The following COL5A1 variants were observed in gnomAD, a reference collection of about 807,000 sequenced individuals.
COL5A1 encodes the protein collagen type V alpha 1 chain.
A neutral mutation model predicts 263.7 loss-of-function variants in COL5A1; 16 were observed. That is an observed-to-expected ratio of 0.06 (90% confidence interval 0.04 to 0.09). COL5A1 has a LOEUF of 0.09. Among genes scored for constraint, COL5A1 ranks in the 10% least tolerant of loss-of-function variants. The pLI is 1.00. For missense variants in COL5A1, 2,036 were observed against 2,540.5 expected, an observed-to-expected ratio of 0.80 and a Z score of 4.27; for synonymous variants, 1,012 against 1,004.5, an observed-to-expected ratio of 1.01 and a Z score of -0.14.
At chr9:134,760,003 C>T (rs2132707384) in intron 18 of COL5A1, among the ~76,000 whole-genome samples, 1 of 121,726 alleles carries the variant, frequency 8.2e-6, no homozygotes. Context: ...ACACCCCACA[C>T]TCATACACAC....
intron 4 of COL5A1, among the ~76,000 whole-genome samples, chr9:134,722,236 TG>T (rs1279053458): frequency 6.6e-6 from 1 of 152,150 alleles, no homozygotes; most frequent in African/African-American, 2.4e-5. Flanking sequence ...TGCTGCAGTC[TG>T]GGGGTGTGGT....
chr9:134,785,917 A>G, intron 30 of COL5A1, 78 bp from the exon 31 acceptor site: 1 of 1,372,248 alleles, frequency 7.3e-7, no homozygotes, highest in South Asian at 1.2e-5. Context: ...GCCAGAACGC[A>G]TGTCCTTTCT....
intron 39 of COL5A1, 43 bp from the exon 40 acceptor site, chr9:134,804,932 C>T (rs371362788): frequency 1.4e-5 from 21 of 1,551,384 alleles, no homozygotes; most frequent in African/African-American, 4.1e-5. Context: ...GAGAGGTCTG[C>T]GTCACTGGCT....
rs1418134942 is a variant in COL5A1 at position 134,710,817 on chromosome 9, A to G, written c.654+9484A>G. Among the ~76,000 whole-genome samples the G allele has an allele frequency of 7.1e-3, 31 of 4,394 alleles. 1 individual carries two copies. Among genetic ancestry groups the G allele is most frequent in the Non-Finnish European group, 9.7e-3 (22 of 2,262 alleles). 2.9% of individuals were successfully genotyped at this position (4,394 alleles called of 152,430 possible). A position where few individuals can be genotyped will look rare whatever the true frequency, so the allele number is the denominator to read the frequency against. ...CGTCTGTTGGGTGCAGTGGTGGGGG[A>G]GGGGACCCCATCTGTTGGGTGCAGT... On this transcript the variant is annotated intron_variant, in intron 4 of 65. Coordinates refer to ENST00000371817, the MANE Select transcript of COL5A1 (RefSeq NM_000093.5).
intron 60 of COL5A1, 54 bp downstream of exon 60, chr9:134,823,087 C>G (rs1030528744): frequency 6.3e-7 from 1 of 1,593,466 alleles, no homozygotes; most frequent in Middle Eastern, 1.7e-4. Context: ...GGGAGGGCGA[C>G]GGGTCCCCTG....
chr9:134,782,081 C>T (rs560062713), intron 28 of COL5A1, among the ~76,000 whole-genome samples: 22 of 152,328 alleles, frequency 1.4e-4, no homozygotes, highest in Non-Finnish European at 2.6e-4. Context: ...GGGACTCAAA[C>T]GGACAGCAGG....
intron 64 of COL5A1, among the ~76,000 whole-genome samples, chr9:134,830,586 C>G (rs1839572335): frequency 6.6e-6 from 1 of 152,160 alleles, no homozygotes; most frequent in East Asian, 1.9e-4. Context: ...TTCAGAGCTC[C>G]TTCTAGGACC....
intron 9 of COL5A1, among the ~76,000 whole-genome samples, chr9:134,737,350 C>T (rs910839934): frequency 1.8e-4 from 27 of 152,164 alleles, no homozygotes; most frequent in African/African-American, 6.0e-4. Context: ...CTTGGCTGGG[C>T]GGCTGACGGG....
In COL5A1 at chr9:134,814,051, G is replaced by T. The variant is rs370937109; in HGVS notation, c.3906+15G>T. ...GCGGCCCCCCGGTGAGTGAGCGGGC[G>T]CTGCGGGAGGGGTGGGATATGGCCG... On this transcript the variant is annotated intron_variant, in intron 49 of 65. Coordinates refer to ENST00000371817, the MANE Select transcript of COL5A1 (RefSeq NM_000093.5). 1 of 1,550,426 alleles carries T rather than the reference G, an allele frequency of 6.4e-7. No individual in the cohort carries two copies. Among genetic ancestry groups the T allele is most frequent in the East Asian group, 2.4e-5 (1 of 40,906 alleles).
intron 4 of COL5A1, among the ~76,000 whole-genome samples, chr9:134,703,843 G>A (rs1275051884): frequency 1.3e-5 from 2 of 151,860 alleles, no homozygotes; most frequent in East Asian, 1.9e-4. Context: ...GTTTCACTGT[G>A]TTAGCCAGGA....
Position 134,822,778 on chromosome 9 carries a change from C to T in COL5A1, c.4609-220C>T, listed in dbSNP as rs1443865706. 38 of 632,598 alleles carry T rather than the reference C, an allele frequency of 6.0e-5. 1 individual carries two copies. Among genetic ancestry groups the T allele is most frequent in the East Asian group, 2.2e-4 (8 of 36,136 alleles). 39.2% of individuals were successfully genotyped at this position (632,598 alleles called of 1,614,324 possible). On this transcript the variant is annotated intron_variant, in intron 59 of 65. Transcript: ENST00000371817. ...TAGCCAGGGTGGGTGGTAGGCTGGC[C>T]GGGGGCAGGTAGGACCACCCTGTGT...
chr9:134,687,172 CTG>C (rs1190935540), intron 1 of COL5A1, among the ~76,000 whole-genome samples: 5 of 152,182 alleles, frequency 3.3e-5, no homozygotes, highest in Non-Finnish European at 5.9e-5. Context: ...TATGCTGTGT[CTG>C]GGGATATGGC....
In COL5A1 at chr9:134,759,398, TACACACCCAC is replaced by T. The variant is rs570367049; in HGVS notation, c.1935+1115_1935+1124del. Reference sequence around the variant, plus strand: ...CACACCACACATGCACACATACGCATACACACCCACACACACCCACACTCATACACACATG... The same window carrying T: ...CACACCACACATGCACACATACGCATACACACCCACACTCATACACACATG... On this transcript the variant is annotated intron_variant, in intron 18 of 65. Coordinates refer to ENST00000371817, the MANE Select transcript of COL5A1 (RefSeq NM_000093.5). 6.8e-3 allele frequency among the ~76,000 whole-genome samples: 652 copies of T among 95,192 alleles called. 1 individual carries two copies. Among genetic ancestry groups the T allele is most frequent in the Middle Eastern group, 0.018 (2 of 110 alleles). 62.4% of individuals were successfully genotyped at this position (95,192 alleles called of 152,430 possible). A position where few individuals can be genotyped will look rare whatever the true frequency, so the allele number is the denominator to read the frequency against.
At position 134,700,899 on chromosome 9, in the gene COL5A1, TC is replaced by T. The variant is rs2132572090; in HGVS notation, c.492-267del. On this transcript the variant is annotated intron_variant, in intron 3 of 65. Coordinates refer to ENST00000371817, the MANE Select transcript of COL5A1 (RefSeq NM_000093.5). This position sits in a 1 kb window ranked among gnomAD's most constrained non-coding sequence, Gnocchi z 4.0. Reference sequence around the variant, plus strand: ...GTGCCGAGTGCTGTGTGCTCCCCCTTCCCCCTTTCACTTGGGCTCCCGGCTG... The same window carrying T: ...GTGCCGAGTGCTGTGTGCTCCCCCTTCCCCTTTCACTTGGGCTCCCGGCTG... Among the ~76,000 whole-genome samples the T allele has an allele frequency of 6.6e-6, 1 of 152,160 alleles. No individual in the cohort carries two copies. Among genetic ancestry groups the T allele is most frequent in the Non-Finnish European group, 1.5e-5 (1 of 67,996 alleles).
At position 134,752,598 on chromosome 9, in the gene COL5A1, A is replaced by C; in HGVS notation, c.1672A>C (p.Arg558=). Reference sequence around the variant, plus strand: ...TCACTTTCCTTTGCAGTTGGCACTGAGGGGACCAGCTGGCCCGATGGGTCT... The same window carrying C: ...TCACTTTCCTTTGCAGTTGGCACTGCGGGGACCAGCTGGCCCGATGGGTCT... ...AILQQARLAL[R]GPAGPMGLTG... is the part of the protein sequence containing the mutation. Residue 558 remains arginine, a synonymous_variant, in exon 14 of 66, where the codon AGG becomes CGG. Coordinates refer to ENST00000371817, the MANE Select transcript of COL5A1 (RefSeq NM_000093.5). The C allele has an allele frequency of 6.2e-7, 1 of 1,613,420 alleles. No homozygotes were observed. The highest frequency in any genetic ancestry group is 8.5e-7 in the Non-Finnish European group (1 of 1,179,582).
intron 4 of COL5A1, among the ~76,000 whole-genome samples, chr9:134,725,326 T>C (rs1005829616): frequency 6.6e-6 from 1 of 152,140 alleles, no homozygotes; most frequent in Non-Finnish European, 1.5e-5. Flanking sequence ...ATTCATAGGG[T>C]TCTTGAGGGC....
In COL5A1 at chr9:134,716,419, G is replaced by A. The variant is rs1247587203; in HGVS notation, c.655-10847G>A. Among the ~76,000 whole-genome samples, 2 of 151,978 alleles carry A rather than the reference G, an allele frequency of 1.3e-5. No individual in the cohort carries two copies. The highest frequency in any genetic ancestry group is 1.3e-4 in the Admixed American group (2 of 15,272). On this transcript the variant is annotated intron_variant, in intron 4 of 65. Transcript: ENST00000371817. The surrounding 1 kb of genome is among the most constrained non-coding windows in gnomAD (Gnocchi z 4.5). ...CCCTGTGCTCAGCGATGCCCCGTGT[G>A]CCATAAAACAGTGTCTGCAGGCCCG... is the stretch of plus-strand genomic sequence containing the variant.
Position 134,700,225 on chromosome 9 carries a change from C to T in COL5A1, c.491+103C>T, listed in dbSNP as rs571467701. The T allele has an allele frequency of 9.0e-5, 101 of 1,121,610 alleles. 2 individuals carry two copies. The South Asian group carries it at 1.1e-3, about 12-fold the overall frequency. The allele number at this position is 1,121,610 out of a possible 1,614,324, so 69.5% of individuals were successfully genotyped here. A position where few individuals can be genotyped will look rare whatever the true frequency, so the allele number is the denominator to read the frequency against. ...GGCACAGTAGAGGACGTGCAGCAGC[C>T]GGTACTGAGACTCCCACAGACGCCG... On this transcript the variant is annotated intron_variant, in intron 3 of 65. Transcript: ENST00000371817. This position sits in a 1 kb window ranked among gnomAD's most constrained non-coding sequence, Gnocchi z 4.0.
chr9:134,817,302 C>T (rs553589976), intron 53 of COL5A1, among the ~76,000 whole-genome samples: 51 of 152,354 alleles, frequency 3.3e-4, no homozygotes, highest in African/African-American at 9.6e-5. Context: ...CCTGCTGACA[C>T]GGTCAGTGAT....
Sources: gnomAD v4.1 joint callset for allele counts (sites outside exome capture counted in the v4.1 genomes callset) on GRCh38, gnomAD v4.1.1 for gene constraint, Gnocchi (gnomAD v3.1) non-coding constraint, MANE v1.5 for transcripts, NCBI Gene and HGNC (gene_info 2026-07-23, HGNC 2026-07-21) for gene names.